The following CCR6 variants were observed in gnomAD, a reference collection of about 807,000 sequenced individuals.
The protein encoded by CCR6 is C-C chemokine receptor type 6.
In CCR6, 2 loss-of-function variants were observed where a neutral mutation model predicts 3.0. The ratio of observed to expected loss-of-function variants is 0.66; its 90% confidence interval spans 0.27 to 2.07. The LOEUF (loss-of-function observed/expected upper bound fraction) is 2.07, where lower values mean the gene tolerates loss of function less well. Ranked by LOEUF, CCR6 falls within the 30% of genes most tolerant of loss-of-function variation. The pLI is 0.14. For missense variants in CCR6, 322 were observed against 462.8 expected (o/e 0.70, Z 2.79); for synonymous variants, 193 against 184.3 (o/e 1.05, Z -0.38).
chr6:167,126,262 T>C (rs1046206241), intron 1 of CCR6: 2 of 152,232 alleles, frequency 1.3e-5, no homozygotes, highest in Non-Finnish European at 2.9e-5. Flanking sequence ...GTATAGCTTA[T>C]CATTATTTGC....
chr6:167,132,525 G>GTC (rs1427956660), intron 1 of CCR6, among the ~76,000 whole-genome samples: 3 of 151,970 alleles, frequency 2.0e-5, no homozygotes, highest in African/African-American at 7.3e-5. Flanking sequence ...CTGTGTGTGT[G>GTC]TCTGTGTGTG....
chr6:167,122,057 G>A (rs764756169), upstream of CCR6, among the ~76,000 whole-genome samples: 16 of 152,094 alleles, frequency 1.1e-4, no homozygotes, highest in Non-Finnish European at 2.2e-4. The surrounding 1 kb of genome is among the most constrained non-coding windows in gnomAD (Gnocchi z 4.2). Context: ...GCTCACTCAG[G>A]CGTGAGGACG....
chr6:167,124,178 A>C (rs1268458211), intron 1 of CCR6, among the ~76,000 whole-genome samples: 2 of 152,232 alleles, frequency 1.3e-5, no homozygotes, highest in Non-Finnish European at 2.9e-5. Context: ...GCCATAACTA[A>C]AGCTATTCTT....
rs1371935677 is a variant in CCR6 at position 167,130,916 on chromosome 6, T to C, written c.-97-5122T>C. Among the ~76,000 whole-genome samples the C allele has an allele frequency of 4.8e-4, 58 of 119,916 alleles. 2 individuals are homozygous for C. Among genetic ancestry groups the C allele is most frequent in the African/African-American group, 6.8e-4 (17 of 25,184 alleles). The allele number at this position is 119,916 out of a possible 152,430, so 78.7% of individuals were successfully genotyped here. A position where few individuals can be genotyped will look rare whatever the true frequency, so the allele number is the denominator to read the frequency against. ...TGTATCTGGTTCCCTCTGGGCCTCC[T>C]TCTCTCAGGGACCCCACCCTCTGGG... On this transcript the variant is annotated intron_variant, in intron 1 of 2. Transcript: ENST00000341935.
At chr6:167,120,724 C>T (rs955786403), upstream of CCR6, 2 of 152,198 alleles carry the variant, frequency 1.3e-5, no homozygotes, top group African/African-American at 2.4e-5. Flanking sequence ...TGCCTGGAAA[C>T]TTATTGTTAT....
intron 1 of CCR6, among the ~76,000 whole-genome samples, chr6:167,128,738 A>AT (rs1418030823): frequency 6.6e-6 from 1 of 151,938 alleles, no homozygotes; most frequent in Non-Finnish European, 1.5e-5. Flanking sequence ...CACCCAGCTA[A>AT]TTTTTTTATA....
rs1562561915 is a variant in CCR6 at position 167,137,311 on chromosome 6, A to T, written c.1081A>T (p.Ser361Cys). The T allele has an allele frequency of 1.2e-6, 2 of 1,613,980 alleles. No individual in the cohort carries two copies. Among genetic ancestry groups the T allele is most frequent in the Non-Finnish European group, 1.7e-6 (2 of 1,180,026 alleles). Residue 361 changes from serine (S) to cysteine (C), a missense_variant, in exon 3 of 3, where the codon AGT becomes TGT. Coordinates refer to ENST00000341935, the MANE Select transcript of CCR6 (RefSeq NM_031409.4). The surrounding 1 kb of genome is among the most constrained non-coding windows in gnomAD (Gnocchi z 4.6). ...CTCAGAAAACATTTCTCGGCAGACC[A>T]GTGAGACCGCAGATAACGACAATGC... ...RYSENISRQT[S>C]ETADNDNASS...
In CCR6 at chr6:167,138,248, TG is replaced by T. The variant is rs1426579946; in HGVS notation, c.*897del. 6.6e-6 allele frequency: 1 copy of T among 152,172 alleles called. No homozygotes were observed. The highest frequency in any genetic ancestry group is 2.4e-5 in the African/African-American group (1 of 41,440). 9.4% of individuals were successfully genotyped at this position (152,172 alleles called of 1,614,324 possible). ...TTTGATTAATGAATCGTAATGAAGTTGGGGTTTATTGTACAGTTTAAAATGT... is the reference window on the plus strand; with the variant it reads ...TTTGATTAATGAATCGTAATGAAGTTGGGTTTATTGTACAGTTTAAAATGT... On this transcript the variant is annotated 3_prime_UTR_variant, in exon 3 of 3. Transcript: ENST00000341935.
At chr6:167,118,773 C>T (rs1387183363), upstream of CCR6, among the ~76,000 whole-genome samples, 1 of 152,192 alleles carries the variant, frequency 6.6e-6, no homozygotes, top group Non-Finnish European at 1.5e-5. Context: ...GTTTTCTCAT[C>T]TGTCACTTGA....
rs41411246 is a variant in CCR6, at chr6:167,137,596, G to A, written c.*241G>A. On this transcript the variant is annotated 3_prime_UTR_variant, in exon 3 of 3. Coordinates refer to ENST00000341935, the MANE Select transcript of CCR6 (RefSeq NM_031409.4). This position sits in a 1 kb window ranked among gnomAD's most constrained non-coding sequence, Gnocchi z 4.6. ...TTTTGTAGCTCTAGGGTATATATCC[G>A]CCTGGCATTTCACAAAACAGCCTTT... The A allele has an allele frequency of 2.5e-4, 98 of 390,976 alleles. No homozygotes were observed. The highest frequency in any genetic ancestry group is 1.5e-3 in the African/African-American group (73 of 49,848). The allele number at this position is 390,976 out of a possible 1,614,324, so 24.2% of individuals were successfully genotyped here.
At position 167,137,126 on chromosome 6, in the gene CCR6, C is replaced by T. The variant is rs1781862007; in HGVS notation, c.896C>T (p.Thr299Ile). 1 of 1,614,014 alleles carries T rather than the reference C, an allele frequency of 6.2e-7. No homozygotes were observed. ...GAAAAGCTAATTGGCTATACGAAAA[C>T]TGTCACAGAAGTCCTGGCTTTCCTG... ...QSEKLIGYTK[T>I]VTEVLAFLHC... The change falls in exon 3 of 3, where the codon ACT becomes ATT. Residue 299 changes from threonine to isoleucine, a missense_variant. Thr to Ile is a moderately conservative substitution (Grantham distance 89). Transcript: ENST00000341935. The surrounding 1 kb of genome is among the most constrained non-coding windows in gnomAD (Gnocchi z 4.6).
upstream of CCR6, among the ~76,000 whole-genome samples, chr6:167,119,648 A>G (rs1320046001): frequency 6.6e-6 from 1 of 152,240 alleles, no homozygotes; most frequent in African/African-American, 2.4e-5. Context: ...ACCATTTGAC[A>G]TCTTCGTAAA....
chr6:167,131,924 C>A (rs1781775117), intron 1 of CCR6, among the ~76,000 whole-genome samples: 1 of 152,300 alleles, frequency 6.6e-6, no homozygotes, highest in South Asian at 2.1e-4. Flanking sequence ...ATGTGCCACC[C>A]CCACAATCAG....
chr6:167,132,698 G>T (rs757603172), intron 1 of CCR6, among the ~76,000 whole-genome samples: 9 of 152,100 alleles, frequency 5.9e-5, no homozygotes, highest in Non-Finnish European at 1.0e-4. Context: ...ACGCCATCAC[G>T]CCTGGCTAAT....
intron 1 of CCR6, among the ~76,000 whole-genome samples, chr6:167,130,992 C>CCCCTCCCTCCGTGACT (rs1562559675): frequency 8.5e-6 from 1 of 118,208 alleles, no homozygotes; most frequent in Admixed American, 9.0e-5. Context: ...CCTCTGGACC[C>CCCCTCCCTCCGTGACT]CCTCCCTTTG....
intron 1 of CCR6, among the ~76,000 whole-genome samples, chr6:167,133,887 A>T (rs1456294509): frequency 6.8e-6 from 1 of 146,248 alleles, no homozygotes; most frequent in Non-Finnish European, 1.5e-5. Context: ...TTTATGATAC[A>T]ATTGTATATA....
rs772980489 is a variant in CCR6 at position 167,136,769 on chromosome 6, G to C, written c.539G>C (p.Ser180Thr). 1 of 1,613,952 alleles carries C rather than the reference G, an allele frequency of 6.2e-7. No homozygotes were observed. Among genetic ancestry groups the C allele is most frequent in the Non-Finnish European group, 8.5e-7 (1 of 1,180,040 alleles). The change falls in exon 3 of 3, where the codon AGC (serine) becomes ACC (threonine). Residue 180 changes from serine to threonine, a missense_variant. Transcript: ENST00000341935. This position sits in a 1 kb window ranked among gnomAD's most constrained non-coding sequence, Gnocchi z 4.6. ...VVWGLSVIIS[S>T]STFVFNQKYN... ...TGGGGGCTGTCAGTCATCATCTCCA[G>C]CTCAACTTTTGTCTTCAACCAAAAA...
At chr6:167,135,953 A>G (rs1222225306) in intron 1 of CCR6, 85 bp from the exon 2 acceptor site, 1 of 663,714 alleles carries the variant, frequency 1.5e-6, no homozygotes, top group African/African-American at 1.8e-5. Flanking sequence ...TGTTCACACG[A>G]GATGGAATGC....
intron 1 of CCR6, among the ~76,000 whole-genome samples, chr6:167,112,736 G>C (rs1781434601): frequency 6.6e-6 from 1 of 152,114 alleles, no homozygotes; most frequent in Admixed American, 6.5e-5. Flanking sequence ...AGGGAGGAAA[G>C]AGCCACAGCG....
Sources: allele counts gnomAD v4.1 joint callset (sites outside exome capture counted in the v4.1 genomes callset), GRCh38; gene constraint gnomAD v4.1.1; non-coding constraint Gnocchi (gnomAD v3.1); transcripts MANE v1.5; gene names NCBI Gene and HGNC (gene_info 2026-07-23, HGNC 2026-07-21).